The following CACNA1B variants were observed in gnomAD, a reference collection of about 807,000 sequenced individuals.
CACNA1B encodes voltage-dependent N-type calcium channel subunit alpha-1B.
In CACNA1B, 70 loss-of-function variants were observed where a neutral mutation model predicts 247.2. That is an observed-to-expected ratio of 0.28 (90% CI 0.23 to 0.35). CACNA1B has a LOEUF of 0.35. Ranked by LOEUF, CACNA1B falls within the 10% of genes least tolerant of loss-of-function variation. CACNA1B has a pLI of 1.00. For synonymous variants in CACNA1B, 1,231 were observed against 1,294.4 expected (o/e 0.95, Z 1.05); for missense variants, 2,367 against 3,197.4 (o/e 0.74, Z 6.26).
chr9:137,954,575 A>G lies in CACNA1B; in HGVS notation c.1071-1123A>G, dbSNP rs1413757462. On this transcript the variant is annotated intron_variant, in intron 7 of 46. Coordinates refer to ENST00000371372, the MANE Select transcript of CACNA1B (RefSeq NM_000718.4). The surrounding 1 kb of genome is among the most constrained non-coding windows in gnomAD (Gnocchi z 4.1). ...TGTCCTTGCCCTTCCCCTGCCCCCCAGGCCCTCTCATTCTCAGGGCATGGC... is the reference window on the plus strand; with the variant it reads ...TGTCCTTGCCCTTCCCCTGCCCCCCGGGCCCTCTCATTCTCAGGGCATGGC... 6.6e-6 allele frequency among the ~76,000 whole-genome samples: 1 copy of G among 151,964 alleles called. No individual in the cohort carries two copies. Among genetic ancestry groups the G allele is most frequent in the East Asian group, 1.9e-4 (1 of 5,166 alleles).
intron 15 of CACNA1B, among the ~76,000 whole-genome samples, chr9:137,988,473 G>A (rs1344228643): frequency 6.6e-6 from 1 of 152,152 alleles, no homozygotes; most frequent in Non-Finnish European, 1.5e-5. Context: ...AGTGTGATGA[G>A]GGAGAGAAGT....
intron 6 of CACNA1B, among the ~76,000 whole-genome samples, chr9:137,921,926 G>GTTCA (rs1479636470): frequency 1.4e-5 from 2 of 146,424 alleles, no homozygotes; most frequent in Admixed American, 6.8e-5. Flanking sequence ...CGGAGAACAT[G>GTTCA]GTCAGCACCA....
intron 38 of CACNA1B, among the ~76,000 whole-genome samples, chr9:138,104,984 G>A (rs1564288297): frequency 1.3e-5 from 2 of 152,352 alleles, no homozygotes; most frequent in South Asian, 4.1e-4. Context: ...AGAGGGAGAC[G>A]GAGCAGAGCT....
chr9:138,036,201 G>A lies in CACNA1B; in HGVS notation c.3287-7573G>A, dbSNP rs566303472. 1.6e-3 allele frequency among the ~76,000 whole-genome samples: 240 copies of A among 151,920 alleles called. 1 individual carries two copies. The highest frequency in any genetic ancestry group is 5.0e-3 in the African/African-American group (208 of 41,404). ...GTCGCCCAGGCTGGAGTGCAGTGGC[G>A]CAATCTTGGCTCACTGCAACCTCCG... is the stretch of plus-strand genomic sequence containing the variant. On this transcript the variant is annotated intron_variant, in intron 20 of 46. Coordinates refer to ENST00000371372, the MANE Select transcript of CACNA1B (RefSeq NM_000718.4).
intron 31 of CACNA1B, among the ~76,000 whole-genome samples, chr9:138,064,581 C>T (rs1384206598): frequency 1.3e-5 from 2 of 152,178 alleles, no homozygotes; most frequent in Admixed American, 1.3e-4. Flanking sequence ...ATGCCATGGC[C>T]GATTAGCCGA....
Position 138,020,098 on chromosome 9 carries a change from CAAAA to C in CACNA1B, c.2268-2895_2268-2892del, listed in dbSNP as rs4066675. ...GGCGACACAGCGAGACTCTGTCTCC[CAAAA>C]AAAAAAAAAAAAAAAAATGCAGATG... On this transcript the variant is annotated intron_variant, in intron 18 of 46. Coordinates refer to ENST00000371372, the MANE Select transcript of CACNA1B (RefSeq NM_000718.4). This position sits in a 1 kb window ranked among gnomAD's most constrained non-coding sequence, Gnocchi z 4.1. Among the ~76,000 whole-genome samples, 7 of 83,786 alleles carry C rather than the reference CAAAA, an allele frequency of 8.4e-5. No individual in the cohort carries two copies. The highest frequency in any genetic ancestry group is 1.5e-4 in the Admixed American group (1 of 6,866). The allele number at this position is 83,786 out of a possible 152,430, so 55.0% of individuals were successfully genotyped here.
rs2133490002 is a variant in CACNA1B, at chr9:138,052,181, A to G, written c.3800A>G (p.Lys1267Arg). 6.2e-7 allele frequency: 1 copy of G among 1,601,778 alleles called. No individual in the cohort carries two copies. Residue 1267 changes from lysine to arginine, a missense_variant, in exon 25 of 47, where the codon AAG (lysine) becomes AGG (arginine). Around this residue, in one of 12 missense-constraint regions of CACNA1B, gnomAD observed 436 missense variants for 679.5 expected, o/e 0.64. Transcript: ENST00000371372. The surrounding 1 kb of genome is among the most constrained non-coding windows in gnomAD (Gnocchi z 5.1). ...RPLKTIKRLP[K>R]LKAVFDCVVN... Reference sequence around the variant, plus strand: ...CTCAAGACCATCAAACGGCTGCCCAAGCTCAAGGTTAGAGCCTGGAGTTGG... The same window carrying G: ...CTCAAGACCATCAAACGGCTGCCCAGGCTCAAGGTTAGAGCCTGGAGTTGG...
chr9:138,023,514 C>T lies in CACNA1B; in HGVS notation c.2771C>T (p.Pro924Leu), dbSNP rs967808851. 3.7e-6 allele frequency: 4 copies of T among 1,074,720 alleles called. No homozygotes were observed. The highest frequency in any genetic ancestry group is 4.5e-6 in the Non-Finnish European group (4 of 890,956). The allele number at this position is 1,074,720 out of a possible 1,614,324, so 66.6% of individuals were successfully genotyped here. ...GGRRHHRRGSPEEAAEREPRR... is the reference protein window; with the variant it reads ...GGRRHHRRGSLEEAAEREPRR... The stretch of plus-strand genomic sequence containing the variant: ...CGGCGGCACCACCGGCGCGGCTCCC[C>T]GGAGGAGGCGGCCGAGCGGGAGCCC... Residue 924 changes from proline to leucine, a missense_variant, in exon 19 of 47, where the codon CCG (proline) becomes CTG (leucine). Coordinates refer to ENST00000371372, the MANE Select transcript of CACNA1B (RefSeq NM_000718.4).
At chr9:138,099,400 A>T (rs2131345988) in intron 37 of CACNA1B, among the ~76,000 whole-genome samples, 1 of 152,004 alleles carries the variant, frequency 6.6e-6, no homozygotes, top group South Asian at 2.1e-4. Context: ...GTGTGGTTGT[A>T]TGTGGATGTG....
chr9:137,889,762 G>C (rs1957071123), intron 3 of CACNA1B, among the ~76,000 whole-genome samples: 1 of 149,960 alleles, frequency 6.7e-6, no homozygotes, highest in African/African-American at 2.4e-5. Context: ...GCCTGAGAAG[G>C]TGCTGCTCTG....
At chr9:137,896,030 G>A (rs1056268675) in intron 3 of CACNA1B, among the ~76,000 whole-genome samples, 1 of 152,154 alleles carries the variant, frequency 6.6e-6, no homozygotes, top group Non-Finnish European at 1.5e-5. Context: ...ACGAGGTCAG[G>A]AGATCGAGAC....
At chr9:138,062,905 A>G (rs1959779665) in intron 31 of CACNA1B, among the ~76,000 whole-genome samples, 1 of 152,238 alleles carries the variant, frequency 6.6e-6, no homozygotes, top group Non-Finnish European at 1.5e-5. Flanking sequence ...TGCCATCTCC[A>G]AAACGCAAAG....
At position 137,954,879 on chromosome 9, in the gene CACNA1B, T is replaced by TGTGTGTGTGTGTGTGAGA. The variant is rs1440887333; in HGVS notation, c.1071-818_1071-817insTGTGTGTGTGTGTGAGAG. Among the ~76,000 whole-genome samples, 721 of 145,218 alleles carry TGTGTGTGTGTGTGTGAGA rather than the reference T, an allele frequency of 5.0e-3. 32 individuals are homozygous for TGTGTGTGTGTGTGTGAGA. In the East Asian group the frequency reaches 0.092, roughly 19 times the overall value. Reference sequence around the variant, plus strand: ...GCTTGTGTGTGTGTGTGTGTGTGTGTGAGAGAGAGAGAGAGAGAGAGAGGG... The same window carrying TGTGTGTGTGTGTGTGAGA: ...GCTTGTGTGTGTGTGTGTGTGTGTGTGTGTGTGTGTGTGTGAGAGAGAGAGAGAGAGAGAGAGAGAGGG... On this transcript the variant is annotated intron_variant, in intron 7 of 46. Transcript: ENST00000371372. This position sits in a 1 kb window ranked among gnomAD's most constrained non-coding sequence, Gnocchi z 4.1.
At chr9:137,879,278 C>T in intron 2 of CACNA1B, 119 bp downstream of exon 2, 1 of 651,506 alleles carries the variant, frequency 1.5e-6, no homozygotes, top group Non-Finnish European at 2.7e-6. Context: ...GTGCCCCTCG[C>T]GTCTGAAGGA....
intron 6 of CACNA1B, among the ~76,000 whole-genome samples, chr9:137,948,182 T>C (rs776295738): frequency 6.6e-6 from 1 of 152,136 alleles, no homozygotes; most frequent in Non-Finnish European, 1.5e-5. Flanking sequence ...GGTTTCGCCA[T>C]GTTGGCCAGG....
intron 20 of CACNA1B, among the ~76,000 whole-genome samples, chr9:138,029,641 C>T (rs561763995): frequency 8.4e-5 from 12 of 142,682 alleles, no homozygotes; most frequent in South Asian, 4.4e-4. Flanking sequence ...GACAGGGTCT[C>T]GCTCTGTCGC....
chr9:137,922,213 C>T (rs1011193438), intron 6 of CACNA1B, among the ~76,000 whole-genome samples: 6 of 147,162 alleles, frequency 4.1e-5, no homozygotes, highest in Non-Finnish European at 8.9e-5. Flanking sequence ...AGAACATGAT[C>T]AGCACCACGA....
Position 138,007,527 on chromosome 9 carries a change from C to T in CACNA1B, c.2092+643C>T, listed in dbSNP as rs867822268. Among the ~76,000 whole-genome samples, 1 of 152,154 alleles carries T rather than the reference C, an allele frequency of 6.6e-6. No homozygotes were observed. ...TGACAGGCAGTGTGAGTGGGTCCCC[C>T]TGTAGCTGGGGTGGGAAGTTCAGGC... On this transcript the variant is annotated intron_variant, in intron 16 of 46. Coordinates refer to ENST00000371372, the MANE Select transcript of CACNA1B (RefSeq NM_000718.4). The surrounding 1 kb of genome is among the most constrained non-coding windows in gnomAD (Gnocchi z 4.1).
chr9:138,079,427 G>T (rs1363427254), intron 36 of CACNA1B, among the ~76,000 whole-genome samples: 1 of 152,062 alleles, frequency 6.6e-6, no homozygotes, highest in Non-Finnish European at 1.5e-5. Context: ...TTGACGGAAG[G>T]TGATGCAAGA....
Sources: allele counts gnomAD v4.1 joint callset (sites outside exome capture counted in the v4.1 genomes callset), GRCh38; gene constraint gnomAD v4.1.1; regional missense constraint gnomAD v4.1.1; non-coding constraint Gnocchi (gnomAD v3.1); transcripts MANE v1.5; gene names NCBI Gene and HGNC (gene_info 2026-07-23, HGNC 2026-07-21).